The following USP34 variants were observed in gnomAD, a reference collection of about 807,000 sequenced individuals.
USP34 encodes ubiquitin specific peptidase 34, also known as ubiquitin carboxyl-terminal hydrolase 34.
In USP34, 70 loss-of-function variants were observed where a neutral mutation model predicts 460.3. The ratio of observed to expected loss-of-function variants is 0.15; its 90% CI spans 0.13 to 0.19. The LOEUF is 0.19. Ranked by LOEUF, USP34 falls within the 10% of genes least tolerant of loss-of-function variation. USP34 has a pLI of 1.00. For missense variants in USP34, 3,985 were observed against 4,236.2 expected, an observed-to-expected ratio of 0.94 and a Z score of 1.65; for synonymous variants, 1,647 against 1,405.3, an observed-to-expected ratio of 1.17 and a Z score of -3.85.
chr2:61,313,453 G>GA (rs1052709429), intron 25 of USP34, among the ~76,000 whole-genome samples: 2 of 152,214 alleles, frequency 1.3e-5, no homozygotes, highest in South Asian at 2.1e-4. Context: ...CCACAGCATA[G>GA]AAAAAATTTT....
intron 48 of USP34, among the ~76,000 whole-genome samples, chr2:61,249,480 A>G (rs759416587): frequency 7.2e-5 from 11 of 152,218 alleles, no homozygotes; most frequent in Non-Finnish European, 1.5e-4. Context: ...TTTCTATGTA[A>G]TATTTTCAGA....
At chr2:61,413,111 G>A (rs1694090404) in intron 2 of USP34, among the ~76,000 whole-genome samples, 1 of 152,016 alleles carries the variant, frequency 6.6e-6, no homozygotes, top group Non-Finnish European at 1.5e-5. Context: ...AGAGTATCAA[G>A]GAGGCCGGGC....
intron 10 of USP34, among the ~76,000 whole-genome samples, chr2:61,351,958 G>C (rs886449436): frequency 2.0e-5 from 3 of 152,186 alleles, no homozygotes; most frequent in Admixed American, 1.3e-4. Context: ...TTTAAATATA[G>C]TATTAAATAA....
At chr2:61,335,858 G>C (rs1385938182) in intron 18 of USP34, among the ~76,000 whole-genome samples, 1 of 152,170 alleles carries the variant, frequency 6.6e-6, no homozygotes, top group Non-Finnish European at 1.5e-5. Context: ...CCAAGAGTTT[G>C]TGTTGTAACC....
intron 48 of USP34, among the ~76,000 whole-genome samples, chr2:61,255,518 C>T (rs927658385): frequency 6.6e-6 from 1 of 152,154 alleles, no homozygotes; most frequent in African/African-American, 2.4e-5. Context: ...TCCATGTCTT[C>T]ACATGTAAAA....
At chr2:61,382,714 T>G (rs1050515765) in intron 6 of USP34, among the ~76,000 whole-genome samples, 2 of 152,184 alleles carry the variant, frequency 1.3e-5, no homozygotes, top group Non-Finnish European at 2.9e-5. Context: ...GTACAACCCT[T>G]TCTCCATCTT....
At position 61,293,470 on chromosome 2, in the gene USP34, C is replaced by T; in HGVS notation, c.4542G>A (p.Trp1514Ter). 1 of 1,612,076 alleles carries T rather than the reference C, an allele frequency of 6.2e-7. No individual in the cohort carries two copies. Among genetic ancestry groups the T allele is most frequent in the Non-Finnish European group, 8.5e-7 (1 of 1,178,720 alleles). The change falls in exon 33 of 80, where the codon TGG (tryptophan) becomes TGA (stop). Residue 1514 changes from tryptophan (W) to a stop codon, truncating the protein, a stop_gained. Coordinates refer to ENST00000398571, the MANE Select transcript of USP34 (RefSeq NM_014709.4). LOFTEE classifies it high-confidence loss of function. ...ACCATAAATATGCACTTACCACAGT[C>T]CATGATTCCTGCTCTTTAGGCTCTA... is the stretch of plus-strand genomic sequence containing the variant. The part of the protein sequence containing the change: ...GILEPKEQES[W>*]TVWQLDCLAC...
In USP34 at chr2:61,288,614, A is replaced by G. The variant is rs994684273; in HGVS notation, c.4749+63T>C. On this transcript the variant is annotated intron_variant, in intron 34 of 79. Coordinates refer to ENST00000398571, the MANE Select transcript of USP34 (RefSeq NM_014709.4). ...TAGAATACATTTCTTAAGCATTAGC[A>G]TATTTCTTCAGTTTATAAAAATAAA... is the stretch of plus-strand genomic sequence containing the variant. The G allele has an allele frequency of 8.0e-5, 122 of 1,522,646 alleles. 1 individual carries two copies. The highest frequency in any genetic ancestry group is 1.6e-4 in the African/African-American group (12 of 73,122). 94.3% of individuals were successfully genotyped at this position (1,522,646 alleles called of 1,614,324 possible).
At chr2:61,370,869 G>C (rs1692601931) in intron 8 of USP34, among the ~76,000 whole-genome samples, 1 of 152,166 alleles carries the variant, frequency 6.6e-6, no homozygotes, top group Non-Finnish European at 1.5e-5. Context: ...TCCTACTCGA[G>C]GTCTTTGCCT....
chr2:61,257,832 G>A (rs570408888), intron 44 of USP34, among the ~76,000 whole-genome samples: 1 of 152,222 alleles, frequency 6.6e-6, no homozygotes, highest in South Asian at 2.1e-4. Flanking sequence ...CCGAGATCGT[G>A]CCACTGCACT....
intron 10 of USP34, among the ~76,000 whole-genome samples, chr2:61,357,963 G>A (rs1437372177): frequency 6.6e-6 from 1 of 152,106 alleles, no homozygotes; most frequent in African/African-American, 2.4e-5. Context: ...GGCCAAGGCA[G>A]GTGGATCACA....
chr2:61,337,811 A>G (rs370915326), intron 18 of USP34, among the ~76,000 whole-genome samples: 1 of 152,242 alleles, frequency 6.6e-6, no homozygotes, highest in East Asian at 1.9e-4. Context: ...TTGGGTGATC[A>G]CCAGGGTATA....
chr2:61,425,409 C>T (rs888082800), intron 1 of USP34, among the ~76,000 whole-genome samples: 5 of 152,054 alleles, frequency 3.3e-5, no homozygotes, highest in African/African-American at 1.2e-4. Flanking sequence ...CCCCAGCCAG[C>T]AGCAAAAGGC....
chr2:61,286,192 T>A (rs1054408745), intron 34 of USP34, among the ~76,000 whole-genome samples: 6 of 152,184 alleles, frequency 3.9e-5, no homozygotes, highest in African/African-American at 1.4e-4. Context: ...TAAGTTAGTG[T>A]TCTTCCTTAC....
At chr2:61,341,508 A>G (rs1052477489) in intron 16 of USP34, among the ~76,000 whole-genome samples, 6 of 152,116 alleles carry the variant, frequency 3.9e-5, no homozygotes, top group Admixed American at 3.3e-4. Flanking sequence ...TGTCCTCACC[A>G]TAGTGTGAAT....
intron 44 of USP34, among the ~76,000 whole-genome samples, chr2:61,259,436 C>T (rs574545700): frequency 8.6e-5 from 13 of 151,764 alleles, no homozygotes; most frequent in South Asian, 2.1e-4. Flanking sequence ...CACCTAGACT[C>T]GAGTGCAGTA....
chr2:61,438,192 T>C (rs374440403), intron 1 of USP34, among the ~76,000 whole-genome samples: 28 of 152,242 alleles, frequency 1.8e-4, no homozygotes, highest in South Asian at 4.1e-4. Flanking sequence ...ACAAGGATAA[T>C]TTAACATACG....
intron 3 of USP34, among the ~76,000 whole-genome samples, chr2:61,398,599 GGGAGAAAAGGGAA>G (rs1693615722): frequency 6.8e-6 from 1 of 146,808 alleles, no homozygotes; most frequent in Non-Finnish European, 1.5e-5. Flanking sequence ...AGAAAGGGGA[GGGAGAAAAGGGAA>G]GGAGAAAGAG....
intron 2 of USP34, chr2:61,416,999 T>G (rs1694216351): frequency 2.3e-6 from 3 of 1,319,288 alleles, no homozygotes; most frequent in Non-Finnish European, 3.2e-6. Context: ...TCATCGGCAT[T>G]GAACTTGGTG....
Sources: gnomAD v4.1 joint callset for allele counts (sites outside exome capture counted in the v4.1 genomes callset) on GRCh38, gnomAD v4.1.1 for gene constraint, MANE v1.5 for transcripts, NCBI Gene and HGNC (gene_info 2026-07-23, HGNC 2026-07-21) for gene names.